Variants in RBPMS observed in about 807,000 individuals in gnomAD.
The protein encoded by RBPMS is RNA binding protein, mRNA processing factor.
In RBPMS, 7 loss-of-function variants were observed where a neutral mutation model predicts 26.8. The ratio of observed to expected loss-of-function variants is 0.26; its 90% confidence interval spans 0.15 to 0.49. The LOEUF is 0.49. Among genes scored for constraint, RBPMS ranks in the 20% least tolerant of loss-of-function variants. The pLI is 0.98. For missense variants in RBPMS, 186 were observed against 250.0 expected (o/e 0.74, Z 1.73); for synonymous variants, 96 against 93.3 (o/e 1.03, Z -0.17).
intron 1 of RBPMS, among the ~76,000 whole-genome samples, chr8:30,463,669 A>T (rs1017936269): frequency 5.3e-5 from 8 of 152,236 alleles, no homozygotes; most frequent in South Asian, 2.1e-4. Context: ...CACTTCTTTA[A>T]GGGAGGAATA....
chr8:30,557,857 G>T (rs1487649431), intron 6 of RBPMS, among the ~76,000 whole-genome samples: 7 of 152,136 alleles, frequency 4.6e-5, no homozygotes, highest in African/African-American at 1.4e-4. Context: ...TGCCCTTTTG[G>T]GTGTTTTTTG....
At chr8:30,515,112 C>T (rs1822167673) in intron 5 of RBPMS, among the ~76,000 whole-genome samples, 1 of 152,166 alleles carries the variant, frequency 6.6e-6, no homozygotes, top group African/African-American at 2.4e-5. Context: ...GCTGGGACTA[C>T]AGGTGTGTGC....
At chr8:30,409,050 C>T (rs1019544043) in intron 1 of RBPMS, among the ~76,000 whole-genome samples, 5 of 152,120 alleles carry the variant, frequency 3.3e-5, no homozygotes, top group South Asian at 2.1e-4. Flanking sequence ...TGAATGATAC[C>T]GCCATTGTAT....
Position 30,522,198 on chromosome 8 carries a change from T to G in RBPMS, c.397+17762T>G, listed in dbSNP as rs116557947. Among the ~76,000 whole-genome samples, 9 of 149,604 alleles carry G rather than the reference T, an allele frequency of 6.0e-5. No homozygotes were observed. The South Asian group carries it at 1.1e-3, about 18-fold the overall frequency. ...CCTATAGTCACAGCTACTTGGGAGG[T>G]TGAGTTAGGAAGATCCCTGGAGCCT... is the stretch of plus-strand genomic sequence containing the variant. On this transcript the variant is annotated intron_variant, in intron 5 of 8. Transcript: ENST00000397323.
intron 1 of RBPMS, among the ~76,000 whole-genome samples, chr8:30,438,430 A>G (rs1812715659): frequency 1.3e-5 from 2 of 152,234 alleles, no homozygotes; most frequent in Admixed American, 1.3e-4. Context: ...AATAGCAGCC[A>G]AAAATGCCAT....
intron 1 of RBPMS, among the ~76,000 whole-genome samples, chr8:30,467,414 G>A (rs749831802): frequency 2.0e-5 from 3 of 152,316 alleles, no homozygotes; most frequent in Non-Finnish European, 4.4e-5. Context: ...CTAGCTGTAT[G>A]CGATTTATGC....
At chr8:30,425,427 TTTC>T (rs1416860368) in intron 1 of RBPMS, among the ~76,000 whole-genome samples, 1 of 150,776 alleles carries the variant, frequency 6.6e-6, no homozygotes, top group African/African-American at 2.4e-5. Flanking sequence ...TGAAATGGAG[TTTC>T]GCTCTTGTTG....
rs71278690 is a variant in RBPMS at position 30,419,450 on chromosome 8, ATGTGTG to A, written c.66+34320_66+34325del. 3.9e-3 allele frequency among the ~76,000 whole-genome samples: 557 copies of A among 143,272 alleles called. 2 individuals are homozygous for A. Among genetic ancestry groups the A allele is most frequent in the African/African-American group, 0.012 (456 of 37,890 alleles). The allele number at this position is 143,272 out of a possible 152,430, so 94.0% of individuals were successfully genotyped here. On this transcript the variant is annotated intron_variant, in intron 1 of 8. Transcript: ENST00000397323. ...GACAGAGTGAGATTGCATCTCAAAAATGTGTGTGTGTGTGTGTGTGTGTGTGTGTGT... is the reference window on the plus strand; with the variant it reads ...GACAGAGTGAGATTGCATCTCAAAAATGTGTGTGTGTGTGTGTGTGTGTGT...
In RBPMS at chr8:30,485,087, C is replaced by G. The variant is rs147313551; in HGVS notation, c.246+5710C>G. On this transcript the variant is annotated intron_variant, in intron 4 of 8. Coordinates refer to ENST00000397323, the MANE Select transcript of RBPMS (RefSeq NM_001008710.3). Reference sequence around the variant, plus strand: ...CTTGGCCAGAAGTACTGGTACAGACCGTTAAGTATGGAGGGATACCAGGGC... The same window carrying G: ...CTTGGCCAGAAGTACTGGTACAGACGGTTAAGTATGGAGGGATACCAGGGC... Among the ~76,000 whole-genome samples the G allele has an allele frequency of 1.9e-4, 29 of 152,046 alleles. 1 individual carries two copies. The highest frequency in any genetic ancestry group is 6.5e-5 in the Admixed American group (1 of 15,284).
intron 6 of RBPMS, among the ~76,000 whole-genome samples, chr8:30,554,979 C>T (rs1458059165): frequency 1.3e-5 from 2 of 152,128 alleles, no homozygotes; most frequent in African/African-American, 2.4e-5. Flanking sequence ...TCAGGCAGGG[C>T]GTCCTCCCGA....
chr8:30,512,147 C>T (rs1306933779), intron 5 of RBPMS, among the ~76,000 whole-genome samples: 1 of 152,148 alleles, frequency 6.6e-6, no homozygotes, highest in African/African-American at 2.4e-5. Flanking sequence ...TCAAGCAATC[C>T]TCATGCCTCA....
chr8:30,438,038 T>G (rs1240233181), intron 1 of RBPMS, among the ~76,000 whole-genome samples: 2 of 152,218 alleles, frequency 1.3e-5, no homozygotes, highest in Non-Finnish European at 2.9e-5. Flanking sequence ...AGAGCACAAT[T>G]ATAGCTATTT....
At chr8:30,451,700 A>C (rs1057455405) in intron 1 of RBPMS, among the ~76,000 whole-genome samples, 5 of 152,210 alleles carry the variant, frequency 3.3e-5, no homozygotes, top group Non-Finnish European at 5.9e-5. Flanking sequence ...AGAATAGAGA[A>C]AAATGAGAAA....
intron 1 of RBPMS, among the ~76,000 whole-genome samples, chr8:30,445,574 T>C (rs1422036122): frequency 6.7e-6 from 1 of 150,232 alleles, no homozygotes; most frequent in Non-Finnish European, 1.5e-5. Context: ...CATCTTTTCT[T>C]TCTCCTTGCC....
At chr8:30,530,986 A>G (rs1380528118) in intron 5 of RBPMS, among the ~76,000 whole-genome samples, 2 of 152,026 alleles carry the variant, frequency 1.3e-5, no homozygotes, top group Non-Finnish European at 2.9e-5. Context: ...CTTGTATTAT[A>G]TATATATATT....
At chr8:30,422,745 T>C (rs1029610356) in intron 1 of RBPMS, among the ~76,000 whole-genome samples, 2 of 152,204 alleles carry the variant, frequency 1.3e-5, no homozygotes, top group African/African-American at 4.8e-5. Context: ...CTCATTGTTT[T>C]CATCTTTTTC....
At chr8:30,425,008 T>G (rs1811194913) in intron 1 of RBPMS, among the ~76,000 whole-genome samples, 1 of 152,162 alleles carries the variant, frequency 6.6e-6, no homozygotes, top group Non-Finnish European at 1.5e-5. Flanking sequence ...CAGGCTGGAG[T>G]GCAGTGGTAC....
At chr8:30,456,782 A>G (rs545024322) in intron 1 of RBPMS, among the ~76,000 whole-genome samples, 36 of 152,156 alleles carry the variant, frequency 2.4e-4, no homozygotes, top group Admixed American at 5.9e-4. Context: ...TTAGCTGGGC[A>G]TGGTGGCGTG....
At position 30,409,833 on chromosome 8, in the gene RBPMS, A is replaced by G. The variant is rs1007947686; in HGVS notation, c.66+24675A>G. On this transcript the variant is annotated intron_variant, in intron 1 of 8. Coordinates refer to ENST00000397323, the MANE Select transcript of RBPMS (RefSeq NM_001008710.3). ...GTTTTAGTAGAGACGGGGTTTCACC[A>G]CGTTGGCCAGGCTGGTCTCGATCTC... 1.3e-4 allele frequency among the ~76,000 whole-genome samples: 20 copies of G among 151,860 alleles called. No individual in the cohort carries two copies. In the South Asian group the frequency reaches 2.5e-3, roughly 19 times the overall value.
Sources: allele counts gnomAD v4.1 joint callset (sites outside exome capture counted in the v4.1 genomes callset), GRCh38; gene constraint gnomAD v4.1.1; transcripts MANE v1.5; gene names NCBI Gene and HGNC (gene_info 2026-07-23, HGNC 2026-07-21).